TEKTIP1: variants seen among roughly 807,000 people sequenced by gnomAD.
TEKTIP1 encodes the protein tektin bundle interacting protein 1.
chr19:3,541,276 C>T, the TEKTIP1 span, among the ~76,000 whole-genome samples: 4 of 151,650 alleles, frequency 2.6e-5, no homozygotes, highest in African/African-American at 9.7e-5. Context: ...GTCAAGGCTG[C>T]AGTGAGCCGA....
the TEKTIP1 span, among the ~76,000 whole-genome samples, chr19:3,541,056 C>T: frequency 6.7e-6 from 1 of 149,768 alleles, no homozygotes; most frequent in African/African-American, 2.5e-5. Flanking sequence ...GCAATCCCAG[C>T]TACTCGGGAG....
the TEKTIP1 span, chr19:3,543,364 C>T: frequency 3.4e-5 from 53 of 1,549,232 alleles, no homozygotes; most frequent in East Asian, 2.0e-4. Context: ...CCAACTCGGA[C>T]GCCTGGGAAG....
chr19:3,543,785 G>A, the TEKTIP1 span: 16 of 1,493,932 alleles, frequency 1.1e-5, no homozygotes, highest in Admixed American at 4.4e-5. Flanking sequence ...GCTGGCCAAC[G>A]GCGAGGAGGT....
the TEKTIP1 span, chr19:3,542,849 A>C: frequency 1.4e-6 from 2 of 1,380,176 alleles, no homozygotes; most frequent in African/African-American, 1.5e-5. Flanking sequence ...TTCCTGGTGC[A>C]CCTCCAGGCC....
the TEKTIP1 span, chr19:3,543,881 C>T: frequency 2.1e-5 from 33 of 1,550,494 alleles, no homozygotes; most frequent in East Asian, 2.4e-4. Flanking sequence ...CATCAGACTA[C>T]GTGCCCTCCC....
chr19:3,543,734 A>C, the TEKTIP1 span: 5 of 1,494,694 alleles, frequency 3.3e-6, no homozygotes, highest in Non-Finnish European at 4.5e-6. Context: ...AAGGCCACCT[A>C]GGCCAGGGTG....
At chr19:3,539,222 G>T in the TEKTIP1 span, 1 of 1,550,630 alleles carries the variant, frequency 6.4e-7, no homozygotes, top group South Asian at 1.2e-5. Flanking sequence ...GTATCCCCTC[G>T]GGGACCCTCG....
chr19:3,542,058 C>G, the TEKTIP1 span: 19 of 861,166 alleles, frequency 2.2e-5, no homozygotes, highest in Non-Finnish European at 2.4e-5. Context: ...GATCTACCCA[C>G]CTTGGCCTCC....
At chr19:3,542,496 C>T in the TEKTIP1 span, 26 of 978,728 alleles carry the variant, frequency 2.7e-5, no homozygotes, top group African/African-American at 1.1e-4. Flanking sequence ...GTTTTTGAGA[C>T]AGAGTCTCAC....
the TEKTIP1 span, among the ~76,000 whole-genome samples, chr19:3,541,264 A>T: frequency 1.3e-5 from 2 of 150,910 alleles, no homozygotes; most frequent in African/African-American, 4.9e-5. Flanking sequence ...TGAGCCTAGG[A>T]GGTCAAGGCT....
the TEKTIP1 span, chr19:3,542,829 A>T: frequency 2.2e-6 from 3 of 1,374,644 alleles, no homozygotes; most frequent in African/African-American, 4.4e-5. Flanking sequence ...TGCCAGCCCC[A>T]GACCACTTCT....
chr19:3,542,617 G>A, the TEKTIP1 span: 1 of 757,598 alleles, frequency 1.3e-6, no homozygotes, highest in South Asian at 6.0e-5. Context: ...GGGATTACAG[G>A]TGCCCCCCGC....
the TEKTIP1 span, among the ~76,000 whole-genome samples, chr19:3,540,251 C>T: frequency 6.7e-6 from 1 of 150,186 alleles, no homozygotes; most frequent in Non-Finnish European, 1.5e-5. Context: ...GTGCCACATG[C>T]CCAGCTAATT....
At chr19:3,543,790 G>A in the TEKTIP1 span, 12 of 1,496,366 alleles carry the variant, frequency 8.0e-6, no homozygotes, top group Non-Finnish European at 9.9e-6. Context: ...CCAACGGCGA[G>A]GAGGTGGGGG....
chr19:3,542,620 C>T, the TEKTIP1 span: 1 of 753,898 alleles, frequency 1.3e-6, no homozygotes, highest in Non-Finnish European at 1.6e-6. Flanking sequence ...ATTACAGGTG[C>T]CCCCCGCCCC....
chr19:3,542,146 A>T, the TEKTIP1 span: 2 of 985,258 alleles, frequency 2.0e-6, no homozygotes, highest in Non-Finnish European at 2.4e-6. Flanking sequence ...TAAAAGCTAC[A>T]TGTGTCTTGC....
chr19:3,543,929 C>A, the TEKTIP1 span: 50 of 1,551,288 alleles, frequency 3.2e-5, 1 homozygote, highest in South Asian at 5.7e-4. Flanking sequence ...CCACCCAGAA[C>A]TACCGGGAGT....
chr19:3,540,558 G>A, the TEKTIP1 span, among the ~76,000 whole-genome samples: 6 of 151,526 alleles, frequency 4.0e-5, no homozygotes, highest in African/African-American at 1.2e-4. Flanking sequence ...GCCTAGCTGT[G>A]AGACCCCATC....
the TEKTIP1 span, chr19:3,542,536 C>T: frequency 1.1e-5 from 10 of 886,342 alleles, no homozygotes; most frequent in East Asian, 3.6e-4. Context: ...TGCAAGGGCA[C>T]GATCTCAGCT....
Sources: gnomAD v4.1 joint callset for allele counts (sites outside exome capture counted in the v4.1 genomes callset) on GRCh38, gnomAD v4.1.1 for gene constraint, MANE v1.5 for transcripts, NCBI Gene and HGNC (gene_info 2026-07-23, HGNC 2026-07-21) for gene names.